Variants in HS2ST1 observed in about 807,000 individuals in gnomAD.
HS2ST1 encodes the protein 2-O-sulfotransferase.
HS2ST1 carries 18 observed loss-of-function variants against 42.9 expected under a neutral mutation model. The ratio of observed to expected loss-of-function variants is 0.42; its 90% confidence interval spans 0.29 to 0.62. HS2ST1 has a LOEUF of 0.62. HS2ST1 is among the 20% of genes least tolerant of loss of function. HS2ST1 has a pLI of 0.21. For missense variants in HS2ST1, 334 were observed against 433.8 expected, an observed-to-expected ratio of 0.77 and a Z score of 2.04; for synonymous variants, 146 against 152.9, an observed-to-expected ratio of 0.95 and a Z score of 0.33.
At chr1:86,970,030 C>G (rs931944104) in intron 1 of HS2ST1, among the ~76,000 whole-genome samples, 1 of 151,012 alleles carries the variant, frequency 6.6e-6, no homozygotes, top group Non-Finnish European at 1.5e-5. Flanking sequence ...GGGGCTGAGG[C>G]AGGAGAATCA....
intron 1 of HS2ST1, among the ~76,000 whole-genome samples, chr1:87,056,872 C>T (rs1417811199): frequency 6.6e-6 from 1 of 152,140 alleles, no homozygotes; most frequent in East Asian, 1.9e-4. Context: ...TTTTCTATCA[C>T]ATTGCAGTTA....
intron 1 of HS2ST1, among the ~76,000 whole-genome samples, chr1:87,063,648 G>GT (rs1651173231): frequency 6.6e-6 from 1 of 151,842 alleles, no homozygotes; most frequent in Non-Finnish European, 1.5e-5. Context: ...TTCTTTTTTT[G>GT]TATCTTCATT....
intron 1 of HS2ST1, among the ~76,000 whole-genome samples, chr1:86,939,134 G>A (rs780996464): frequency 1.6e-4 from 25 of 152,050 alleles, no homozygotes; most frequent in Non-Finnish European, 2.6e-4. Context: ...TTTTTTCTCA[G>A]ATAGCGATGA....
At chr1:87,053,802 G>GT (rs1201291649) in intron 1 of HS2ST1, among the ~76,000 whole-genome samples, 3 of 152,068 alleles carry the variant, frequency 2.0e-5, no homozygotes, top group Non-Finnish European at 4.4e-5. Context: ...GTGCAGATTT[G>GT]TTTTTGGTTG....
At chr1:86,945,566 T>C (rs1647307104) in intron 1 of HS2ST1, among the ~76,000 whole-genome samples, 1 of 8,600 alleles carries the variant, frequency 1.2e-4, no homozygotes, top group Non-Finnish European at 1.8e-4. Flanking sequence ...TAAGCCTCTT[T>C]AATTAATCTG....
chr1:86,954,384 G>C (rs978684324), intron 1 of HS2ST1, among the ~76,000 whole-genome samples: 1 of 152,104 alleles, frequency 6.6e-6, no homozygotes, highest in African/African-American at 2.4e-5. Context: ...GTGCATTGAC[G>C]TGAAGTGCAA....
chr1:87,088,195 T>C (rs1339760805), intron 3 of HS2ST1, among the ~76,000 whole-genome samples: 1 of 152,036 alleles, frequency 6.6e-6, no homozygotes, highest in African/African-American at 2.4e-5. Flanking sequence ...AATTGGGCAT[T>C]GTATAAGACT....
chr1:86,986,919 A>G (rs9988546), intron 1 of HS2ST1, among the ~76,000 whole-genome samples: 1 of 152,114 alleles, frequency 6.6e-6, no homozygotes, highest in South Asian at 2.1e-4. Flanking sequence ...AAATAATAAC[A>G]CCACCTAACT....
chr1:87,092,117 A>G (rs1219072914), intron 3 of HS2ST1, among the ~76,000 whole-genome samples: 2 of 152,066 alleles, frequency 1.3e-5, no homozygotes, highest in Admixed American at 6.6e-5. Context: ...TAATAAAGCA[A>G]TTTTTAAAAT....
chr1:86,985,378 A>G (rs28614112), intron 1 of HS2ST1, among the ~76,000 whole-genome samples: 212 of 24,626 alleles, frequency 8.6e-3, no homozygotes, highest in Middle Eastern at 0.038. Context: ...GTATATATAT[A>G]TATATACACA....
At chr1:87,089,124 G>A (rs527971485) in intron 3 of HS2ST1, among the ~76,000 whole-genome samples, 4 of 152,068 alleles carry the variant, frequency 2.6e-5, no homozygotes, top group Non-Finnish European at 5.9e-5. Context: ...CAAATGTTCT[G>A]AGTGTGCAGT....
At chr1:87,016,404 A>G (rs751805278) in intron 1 of HS2ST1, among the ~76,000 whole-genome samples, 2 of 152,118 alleles carry the variant, frequency 1.3e-5, no homozygotes, top group South Asian at 2.1e-4. Flanking sequence ...AGGTTAATCA[A>G]TCAGTCAGTG....
intron 1 of HS2ST1, among the ~76,000 whole-genome samples, chr1:87,042,006 T>C (rs1407928866): frequency 1.3e-5 from 2 of 152,094 alleles, no homozygotes; most frequent in East Asian, 3.9e-4. Context: ...CATATGTTAG[T>C]TTTGTGTTTA....
chr1:86,942,649 A>G (rs1660787480), intron 1 of HS2ST1, among the ~76,000 whole-genome samples: 1 of 152,172 alleles, frequency 6.6e-6, no homozygotes, highest in African/African-American at 2.4e-5. Flanking sequence ...ATTTTTGGCA[A>G]ATGAAAAAGG....
intron 1 of HS2ST1, among the ~76,000 whole-genome samples, chr1:86,942,284 C>G (rs191586645): frequency 6.6e-6 from 1 of 152,312 alleles, no homozygotes; most frequent in East Asian, 1.9e-4. Flanking sequence ...TCACTCAAAC[C>G]AGCCAACTCT....
At chr1:86,961,580 T>C (rs1647845076) in intron 1 of HS2ST1, among the ~76,000 whole-genome samples, 1 of 152,186 alleles carries the variant, frequency 6.6e-6, no homozygotes, top group Admixed American at 6.5e-5. Flanking sequence ...TACATATTTT[T>C]CTTCAAATAC....
chr1:87,069,697 C>G (rs143649845), intron 1 of HS2ST1, among the ~76,000 whole-genome samples: 123 of 152,156 alleles, frequency 8.1e-4, no homozygotes, highest in Middle Eastern at 3.4e-3. Flanking sequence ...AGTAAAAACA[C>G]TTGAAAAATA....
At chr1:87,054,542 C>G (rs1372844517) in intron 1 of HS2ST1, among the ~76,000 whole-genome samples, 1 of 152,160 alleles carries the variant, frequency 6.6e-6, no homozygotes, top group Non-Finnish European at 1.5e-5. Context: ...ACTTGTGAAC[C>G]TGCTTTATGT....
chr1:86,924,801 T>A (rs1557481356), intron 1 of HS2ST1, among the ~76,000 whole-genome samples: 2 of 152,008 alleles, frequency 1.3e-5, no homozygotes, highest in Non-Finnish European at 2.9e-5. Context: ...GGGCCTGTGA[T>A]GGGGGGGCAC....
Sources: gnomAD v4.1 joint callset for allele counts (sites outside exome capture counted in the v4.1 genomes callset) on GRCh38, gnomAD v4.1.1 for gene constraint, MANE v1.5 for transcripts, NCBI Gene and HGNC (gene_info 2026-07-23, HGNC 2026-07-21) for gene names.